Variants in SPATS2 observed in about 807,000 individuals in gnomAD.
SPATS2 encodes the protein spermatogenesis associated serine rich 2.
Under a neutral mutation model 63.7 loss-of-function variants are expected in SPATS2, and 38 were observed. The ratio of observed to expected loss-of-function variants is 0.60; its 90% CI spans 0.46 to 0.78. The LOEUF (loss-of-function observed/expected upper bound fraction) is 0.78. Ranked by LOEUF, SPATS2 falls within the 30% of genes least tolerant of loss-of-function variation. SPATS2 has a pLI of 0.00. For missense variants in SPATS2, 588 were observed against 666.2 expected, an observed-to-expected ratio of 0.88 and a Z score of 1.29; for synonymous variants, 207 against 232.9, an observed-to-expected ratio of 0.89 and a Z score of 1.01.
At chr12:49,475,313 CAA>C (rs1946099192) in intron 3 of SPATS2, among the ~76,000 whole-genome samples, 1 of 152,194 alleles carries the variant, frequency 6.6e-6, no homozygotes, top group Non-Finnish European at 1.5e-5. Flanking sequence ...TGAATTATAA[CAA>C]AGTATTTAAG....
chr12:49,510,562 C>CAA (rs1270614197), intron 9 of SPATS2, among the ~76,000 whole-genome samples: 6,856 of 88,228 alleles, frequency 0.078, 266 homozygotes, highest in Non-Finnish European at 0.12. Context: ...GACCCTGTCT[C>CAA]AAAAAAAAAA....
chr12:49,501,092 C>T (rs1331977217), intron 9 of SPATS2, among the ~76,000 whole-genome samples: 1 of 152,156 alleles, frequency 6.6e-6, no homozygotes, highest in African/African-American at 2.4e-5. Context: ...GCTGGTACTA[C>T]AGGCATGTAC....
intron 2 of SPATS2, among the ~76,000 whole-genome samples, chr12:49,445,899 GTTTGTT>G (rs778024285): frequency 1.3e-5 from 2 of 151,628 alleles, no homozygotes; most frequent in Non-Finnish European, 2.9e-5. Flanking sequence ...TGTTTTTTTG[GTTTGTT>G]TTTGTTTTTG....
chr12:49,409,205 A>G (rs960355142), intron 2 of SPATS2, among the ~76,000 whole-genome samples: 11 of 152,206 alleles, frequency 7.2e-5, no homozygotes, highest in Admixed American at 3.9e-4. Context: ...CTGTCTATCC[A>G]AATCTTATCT....
intron 2 of SPATS2, among the ~76,000 whole-genome samples, chr12:49,421,291 G>T (rs568506595): frequency 1.3e-5 from 2 of 151,556 alleles, no homozygotes; most frequent in African/African-American, 4.8e-5. Context: ...GGTGGCGTGC[G>T]CCTGTAATCC....
intron 2 of SPATS2, among the ~76,000 whole-genome samples, chr12:49,460,254 G>T (rs1945798673): frequency 6.6e-6 from 1 of 152,174 alleles, no homozygotes; most frequent in Non-Finnish European, 1.5e-5. Context: ...AAGAGATAGA[G>T]ACTATCCTGG....
rs796299288 is a variant in SPATS2 at position 49,375,192 on chromosome 12, GT to G, written c.-244+3903del. 3.0e-3 allele frequency among the ~76,000 whole-genome samples: 256 copies of G among 85,990 alleles called. 1 individual carries two copies. Among genetic ancestry groups the G allele is most frequent in the African/African-American group, 0.013 (183 of 14,538 alleles). 56.4% of individuals were successfully genotyped at this position (85,990 alleles called of 152,430 possible). A position where few individuals can be genotyped will look rare whatever the true frequency, so the allele number is the denominator to read the frequency against. On this transcript the variant is annotated intron_variant, in intron 2 of 13. Transcript: ENST00000552918. The stretch of plus-strand genomic sequence containing the variant: ...TGTGTGTGTGTGTGTGTGTGTGTGT[GT>G]GTGGTGGTAGTGGTCTTTAGAATTT...
chr12:49,522,731 T>C lies in SPATS2; in HGVS notation c.1009-20T>C, dbSNP rs767827715. 14 of 1,608,490 alleles carry C rather than the reference T, an allele frequency of 8.7e-6. No homozygotes were observed. The highest frequency in any genetic ancestry group is 8.4e-5 in the Admixed American group (5 of 59,710). ...ATGTTGTTTGTCTAACCTGGAGGCC[T>C]TTCTTTGTCCTTTCTCCAGCACTTT... On this transcript the variant is annotated intron_variant, in intron 11 of 13. Coordinates refer to ENST00000552918, the MANE Select transcript of SPATS2 (RefSeq NM_023071.4).
chr12:49,469,706 C>T, intron 3 of SPATS2: 1 of 352,830 alleles, frequency 2.8e-6, no homozygotes, highest in African/African-American at 2.2e-5. Context: ...GCCTGGCCAA[C>T]ATGGTGAAAC....
intron 2 of SPATS2, among the ~76,000 whole-genome samples, chr12:49,450,878 T>G (rs1309450060): frequency 2.6e-5 from 4 of 151,558 alleles, no homozygotes; most frequent in African/African-American, 7.3e-5. Context: ...TTTTTGTTTT[T>G]TTTTTCTTGA....
chr12:49,507,919 C>T (rs559342549), intron 9 of SPATS2, among the ~76,000 whole-genome samples: 12 of 152,162 alleles, frequency 7.9e-5, no homozygotes, highest in South Asian at 2.1e-4. Context: ...TAATTGCTGC[C>T]GCTATTTACT....
chr12:49,501,654 G>A (rs756627447), intron 9 of SPATS2, among the ~76,000 whole-genome samples: 9 of 152,016 alleles, frequency 5.9e-5, no homozygotes, highest in South Asian at 2.1e-4. Flanking sequence ...AGTCTCTGTC[G>A]CCTAGGCTGG....
chr12:49,435,997 T>A (rs1270782649), intron 2 of SPATS2, among the ~76,000 whole-genome samples: 1 of 150,944 alleles, frequency 6.6e-6, no homozygotes, highest in Admixed American at 6.6e-5. Context: ...GGCAGAAGAA[T>A]TTTTCTTAGT....
chr12:49,475,901 C>T (rs1946109336), intron 3 of SPATS2, among the ~76,000 whole-genome samples: 1 of 152,140 alleles, frequency 6.6e-6, no homozygotes, highest in Non-Finnish European at 1.5e-5. Flanking sequence ...TGCCTCCTGG[C>T]TGTTCTCTAG....
chr12:49,484,881 T>G (rs972089822), intron 4 of SPATS2, among the ~76,000 whole-genome samples: 7 of 152,178 alleles, frequency 4.6e-5, no homozygotes, highest in African/African-American at 1.7e-4. Context: ...TCTTTGCCTA[T>G]CTCCATGTAT....
At chr12:49,406,559 A>T (rs1944701191) in intron 2 of SPATS2, 1 of 152,300 alleles carries the variant, frequency 6.6e-6, no homozygotes, top group Admixed American at 6.6e-5. Context: ...AAGTGCTGGG[A>T]TTACAGGTGT....
intron 2 of SPATS2, among the ~76,000 whole-genome samples, chr12:49,456,392 T>C (rs886482665): frequency 2.0e-5 from 3 of 152,078 alleles, no homozygotes; most frequent in Admixed American, 1.3e-4. Context: ...ATCTAGAGTG[T>C]AAAAGGGATG....
chr12:49,439,411 G>A (rs1945376651), intron 2 of SPATS2, among the ~76,000 whole-genome samples: 1 of 152,164 alleles, frequency 6.6e-6, no homozygotes, highest in Non-Finnish European at 1.5e-5. Context: ...ATTAACAAGA[G>A]AAGCAGGGAA....
At chr12:49,505,953 T>G (rs1946647843) in intron 9 of SPATS2, among the ~76,000 whole-genome samples, 1 of 152,212 alleles carries the variant, frequency 6.6e-6, no homozygotes, top group Admixed American at 6.5e-5. Flanking sequence ...TTTTCCAACT[T>G]TATGATGGTA....
Sources: gnomAD v4.1 joint callset for allele counts (sites outside exome capture counted in the v4.1 genomes callset) on GRCh38, gnomAD v4.1.1 for gene constraint, MANE v1.5 for transcripts, NCBI Gene and HGNC (gene_info 2026-07-23, HGNC 2026-07-21) for gene names.